Variants in FOXJ3 observed in about 807,000 individuals in gnomAD.
FOXJ3 encodes the protein forkhead box J3.
A neutral mutation model predicts 76.1 loss-of-function variants in FOXJ3; 22 were observed. The ratio of observed to expected loss-of-function variants is 0.29; its 90% confidence interval spans 0.21 to 0.41. The LOEUF is 0.41. Among genes scored for constraint, FOXJ3 ranks in the 10% least tolerant of loss-of-function variants. The pLI is 1.00. For synonymous variants in FOXJ3, 269 were observed against 261.2 expected, an observed-to-expected ratio of 1.03 and a Z score of -0.29; for missense variants, 613 against 762.1, an observed-to-expected ratio of 0.80 and a Z score of 2.30.
At chr1:42,278,787 G>T in intron 2 of FOXJ3, 115 bp from the exon 3 acceptor site, 1 of 704,286 alleles carries the variant, frequency 1.4e-6, no homozygotes, top group Non-Finnish European at 2.4e-6. Context: ...AGTTACATCT[G>T]GAGGAAAAAG....
Position 42,179,769 on chromosome 1 carries a change from G to A in FOXJ3, c.1810C>T (p.Arg604Trp), listed in dbSNP as rs201486136. The A allele has an allele frequency of 8.1e-6, 13 of 1,613,972 alleles. No individual in the cohort carries two copies. The highest frequency in any genetic ancestry group is 1.1e-5 in the Non-Finnish European group (13 of 1,179,916). The change falls in exon 13 of 13, where the codon CGG becomes TGG. Residue 604 changes from arginine to tryptophan, a missense_variant. By Grantham distance (101) the Arg-to-Trp change is moderately radical. Coordinates refer to ENST00000361346, the MANE Select transcript of FOXJ3 (RefSeq NM_014947.5). Reference protein sequence around the residue: ...HMMPSQAFQMRRSLPPDDIQD... With the variant: ...HMMPSQAFQMWRSLPPDDIQD... The stretch of plus-strand genomic sequence containing the variant: ...ATGTCATCTGGAGGCAGGGAACGCC[G>A]CATCTGGAAGGCTTGGGAAGGCATC...
Position 42,311,113 on chromosome 1 carries a change from G to GA in FOXJ3, c.-17-4dup, listed in dbSNP as rs1265025569. The GA allele has an allele frequency of 6.3e-7, 1 of 1,584,498 alleles. No homozygotes were observed. ...ACCCATCTGGCCACAAAGAGAATCT[G>GA]AAAAGCAAAGAAGAGTTAGTTATCA... is the stretch of plus-strand genomic sequence containing the variant. On this transcript the variant is annotated splice_region_variant and splice_polypyrimidine_tract_variant and intron_variant, in intron 1 of 12. Coordinates refer to ENST00000361346, the MANE Select transcript of FOXJ3 (RefSeq NM_014947.5).
intron 2 of FOXJ3, among the ~76,000 whole-genome samples, chr1:42,286,874 T>G (rs1653090678): frequency 6.6e-6 from 1 of 152,006 alleles, no homozygotes; most frequent in Admixed American, 6.5e-5. Flanking sequence ...CCTCAGGTGA[T>G]CCGCCTGCTT....
intron 3 of FOXJ3, among the ~76,000 whole-genome samples, chr1:42,272,613 G>A (rs1328341327): frequency 1.3e-5 from 2 of 152,120 alleles, no homozygotes; most frequent in African/African-American, 4.8e-5. Flanking sequence ...CTACCCATTA[G>A]TTCTCTATTT....
chr1:42,294,808 T>C (rs1653679621), intron 2 of FOXJ3, among the ~76,000 whole-genome samples: 1 of 145,678 alleles, frequency 6.9e-6, no homozygotes, highest in Admixed American at 6.8e-5. Flanking sequence ...ATAGAATGGC[T>C]ATGTGTAAGA....
chr1:42,263,930 C>CTTTTT (rs61375062), intron 4 of FOXJ3, among the ~76,000 whole-genome samples: 3 of 71,396 alleles, frequency 4.2e-5, no homozygotes, highest in African/African-American at 1.5e-4. Flanking sequence ...AGTAGGTTAA[C>CTTTTT]TTTTTTTTTT....
At chr1:42,278,801 G>T in intron 2 of FOXJ3, 129 bp from the exon 3 acceptor site, 1 of 659,868 alleles carries the variant, frequency 1.5e-6, no homozygotes. Context: ...GAAAAAGATT[G>T]AGTATGTTAA....
chr1:42,237,784 T>C (rs945739107), intron 4 of FOXJ3, among the ~76,000 whole-genome samples: 1 of 152,018 alleles, frequency 6.6e-6, no homozygotes, highest in Admixed American at 6.6e-5. Context: ...CTGGTACACA[T>C]AGGGTTAATT....
intron 4 of FOXJ3, among the ~76,000 whole-genome samples, chr1:42,249,909 C>T (rs540297102): frequency 3.9e-5 from 6 of 152,104 alleles, no homozygotes; most frequent in South Asian, 2.1e-4. Flanking sequence ...ACTTCCTTTC[C>T]GAGTTATTAT....
intron 1 of FOXJ3, among the ~76,000 whole-genome samples, chr1:42,320,312 C>A (rs1271356047): frequency 6.6e-6 from 1 of 152,138 alleles, no homozygotes; most frequent in African/African-American, 2.4e-5. Context: ...TCACAGGCCA[C>A]CCTCTTCAAA....
intron 3 of FOXJ3, among the ~76,000 whole-genome samples, chr1:42,275,602 C>A (rs1652201003): frequency 6.6e-6 from 1 of 152,086 alleles, no homozygotes; most frequent in African/African-American, 2.4e-5. Context: ...TTTGAGGCTG[C>A]AGTGAGCTAG....
intron 4 of FOXJ3, among the ~76,000 whole-genome samples, chr1:42,241,502 T>C (rs1649139087): frequency 2.0e-5 from 3 of 152,152 alleles, no homozygotes; most frequent in African/African-American, 2.4e-5. Flanking sequence ...GCACACTGCC[T>C]AGGGGACCAG....
chr1:42,199,106 G>A lies in FOXJ3; in HGVS notation c.755C>T (p.Thr252Ile), dbSNP rs754752625. 2 of 1,612,784 alleles carry A rather than the reference G, an allele frequency of 1.2e-6. No homozygotes were observed. Among genetic ancestry groups the A allele is most frequent in the African/African-American group, 1.3e-5 (1 of 74,882 alleles). The change falls in exon 7 of 13, where the codon ACA becomes ATA. Residue 252 changes from threonine (T) to isoleucine (I), a missense_variant. This residue lies in a region of FOXJ3 where 526 missense variants were observed against 601.4 expected (regional missense o/e 0.87). Transcript: ENST00000361346. ...LNSVGSVHSY[T>I]PVTSHPESVS... Reference sequence around the variant, plus strand: ...GTTAACTTCATCAAGACTTACCGGTGTATAACTATGCACACTTCCAACACT... The same window carrying A: ...GTTAACTTCATCAAGACTTACCGGTATATAACTATGCACACTTCCAACACT...
intron 2 of FOXJ3, among the ~76,000 whole-genome samples, chr1:42,297,624 T>C (rs1653871619): frequency 6.6e-6 from 1 of 152,242 alleles, no homozygotes; most frequent in Non-Finnish European, 1.5e-5. Flanking sequence ...CACTTGATCA[T>C]GATTTATTAT....
intron 4 of FOXJ3, among the ~76,000 whole-genome samples, chr1:42,229,274 T>C (rs1424017139): frequency 6.6e-6 from 1 of 152,216 alleles, no homozygotes; most frequent in Non-Finnish European, 1.5e-5. Flanking sequence ...TAACATTCAA[T>C]TCTGTTTACA....
At chr1:42,200,743 G>A (rs942278952) in intron 6 of FOXJ3, among the ~76,000 whole-genome samples, 1 of 152,066 alleles carries the variant, frequency 6.6e-6, no homozygotes, top group Non-Finnish European at 1.5e-5. Flanking sequence ...CCTCCCAAAG[G>A]AGGCTTTGGG....
At chr1:42,277,146 A>AC (rs1457725294) in intron 3 of FOXJ3, among the ~76,000 whole-genome samples, 1 of 64,052 alleles carries the variant, frequency 1.6e-5, no homozygotes, top group Non-Finnish European at 3.4e-5. Context: ...CAAGATAAAT[A>AC]TTTTTTAAAA....
At position 42,191,501 on chromosome 1, in the gene FOXJ3, G is replaced by T. The variant is rs766907110; in HGVS notation, c.1153C>A (p.His385Asn). The change falls in exon 9 of 13, where the codon CAT (histidine) becomes AAT (asparagine). Residue 385 changes from histidine (H) to asparagine (N), a missense_variant. Transcript: ENST00000361346. ...MHTQPSPHPP[H>N]RPHGLPQHPQ... is the part of the protein sequence containing the mutation. ...TGCTGCGGTAAACCATGCGGTCGAT[G>T]GGGAGGATGTGGAGATGGCTGTGTG... The T allele has an allele frequency of 5.6e-6, 9 of 1,613,906 alleles. No homozygotes were observed. Among genetic ancestry groups the T allele is most frequent in the Non-Finnish European group, 7.6e-6 (9 of 1,179,962 alleles).
chr1:42,264,173 T>C (rs912415365), intron 4 of FOXJ3, among the ~76,000 whole-genome samples: 2 of 152,038 alleles, frequency 1.3e-5, no homozygotes, highest in African/African-American at 4.8e-5. Flanking sequence ...AGAAGCAGTC[T>C]AGACAAGTAA....
Sources: gnomAD v4.1 joint callset for allele counts (sites outside exome capture counted in the v4.1 genomes callset) on GRCh38, gnomAD v4.1.1 for gene constraint, gnomAD v4.1.1 regional missense constraint, MANE v1.5 for transcripts, NCBI Gene and HGNC (gene_info 2026-07-23, HGNC 2026-07-21) for gene names.